PXDC1: variants seen among roughly 807,000 people sequenced by gnomAD.
PXDC1 encodes the protein PX domain containing 1.
In PXDC1, 13 loss-of-function variants were observed where a neutral mutation model predicts 24.4. The ratio of observed to expected loss-of-function variants is 0.53; its 90% CI spans 0.35 to 0.85. The LOEUF is 0.85. Among genes scored for constraint, PXDC1 ranks in the 40% least tolerant of loss-of-function variants. PXDC1 has a pLI of 0.01. For synonymous variants in PXDC1, 162 were observed against 124.9 expected (o/e 1.30, Z -1.98); for missense variants, 344 against 309.3 (o/e 1.11, Z -0.84).
At chr6:3,730,331 G>C (rs1760167624) in intron 3 of PXDC1, among the ~76,000 whole-genome samples, 1 of 152,230 alleles carries the variant, frequency 6.6e-6, no homozygotes, top group South Asian at 2.1e-4. Context: ...CACGGGTTCA[G>C]AAAGGGATGG....
intron 1 of PXDC1, among the ~76,000 whole-genome samples, chr6:3,739,637 C>G (rs11242870): frequency 0.3 from 45,493 of 152,150 alleles, 6,930 homozygotes; most frequent in Admixed American, 0.35. Context: ...GCTGGACGAC[C>G]CTCTGCCGTG....
chr6:3,743,180 C>T lies in PXDC1; in HGVS notation c.257-5032G>A, dbSNP rs535802469. The stretch of plus-strand genomic sequence containing the variant: ...CCATCTGACTCTAGCGGGAGGGCTT[C>T]CTGCTGCTGCAATTCTGAAACTAAA... On this transcript the variant is annotated intron_variant, in intron 1 of 4. Coordinates refer to ENST00000380283, the MANE Select transcript of PXDC1 (RefSeq NM_183373.4). 2.7e-5 allele frequency among the ~76,000 whole-genome samples: 4 copies of T among 150,840 alleles called. No individual in the cohort carries two copies. The East Asian group carries it at 7.8e-4, about 29-fold the overall frequency.
chr6:3,729,794 G>A (rs1376664690), intron 3 of PXDC1, among the ~76,000 whole-genome samples: 2 of 152,154 alleles, frequency 1.3e-5, no homozygotes, highest in African/African-American at 4.8e-5. Flanking sequence ...ACAGCCAGCT[G>A]ACAGCCCCAT....
rs759835660 is a variant in PXDC1, at chr6:3,751,575, C to T, written c.-44G>A. On this transcript the variant is annotated 5_prime_UTR_variant, in exon 1 of 5. Transcript: ENST00000380283. ...CCAAGGGCTCCCCAGCCCCGCCGCC[C>T]GCCCGCCCGCAGGAGGCGCGCCCCG... is the stretch of plus-strand genomic sequence containing the variant. 3 of 1,460,484 alleles carry T rather than the reference C, an allele frequency of 2.1e-6. No individual in the cohort carries two copies. Among genetic ancestry groups the T allele is most frequent in the East Asian group, 5.5e-5 (2 of 36,172 alleles). The allele number at this position is 1,460,484 out of a possible 1,614,324, so 90.5% of individuals were successfully genotyped here.
At chr6:3,750,561 G>A (rs1237272955) in intron 1 of PXDC1, among the ~76,000 whole-genome samples, 2 of 152,214 alleles carry the variant, frequency 1.3e-5, no homozygotes, top group South Asian at 4.1e-4. Flanking sequence ...AGATCGGGCA[G>A]AGCGGTAGGA....
chr6:3,735,348 C>T (rs545802249), intron 3 of PXDC1, among the ~76,000 whole-genome samples: 20 of 152,298 alleles, frequency 1.3e-4, no homozygotes, highest in Admixed American at 3.9e-4. Flanking sequence ...GAACACACAA[C>T]GGAAACCACC....
chr6:3,742,623 AG>A (rs1206111159), intron 1 of PXDC1, among the ~76,000 whole-genome samples: 2 of 152,070 alleles, frequency 1.3e-5, no homozygotes, highest in Non-Finnish European at 2.9e-5. Context: ...CGCACGCTTA[AG>A]GAAGTTAGCC....
chr6:3,732,419 A>G (rs975997086), intron 3 of PXDC1, among the ~76,000 whole-genome samples: 4 of 152,252 alleles, frequency 2.6e-5, no homozygotes, highest in Non-Finnish European at 5.9e-5. Context: ...CAGATTAATG[A>G]AAAATAAAAT....
chr6:3,751,222 T>G, intron 1 of PXDC1, 54 bp downstream of exon 1: 1 of 1,301,426 alleles, frequency 7.7e-7, no homozygotes. Context: ...GCCTCCTTCG[T>G]GCACTTCAAG....
At position 3,737,457 on chromosome 6, in the gene PXDC1, A is replaced by T. The variant is rs1760345654; in HGVS notation, c.349-261T>A. ...GAGGGAATCATGGCTCTGATGTGCC[A>T]GTTTCACTTGCGCCTCCCTCCCTCT... is the stretch of plus-strand genomic sequence containing the variant. On this transcript the variant is annotated intron_variant, in intron 2 of 4. Transcript: ENST00000380283. This position sits in a 1 kb window ranked among gnomAD's most constrained non-coding sequence, Gnocchi z 5.5. 6.6e-6 allele frequency among the ~76,000 whole-genome samples: 1 copy of T among 152,174 alleles called. No individual in the cohort carries two copies. The highest frequency in any genetic ancestry group is 6.5e-5 in the Admixed American group (1 of 15,284).
At chr6:3,730,535 A>G (rs371320808) in intron 3 of PXDC1, among the ~76,000 whole-genome samples, 16 of 152,306 alleles carry the variant, frequency 1.1e-4, no homozygotes, top group African/African-American at 3.6e-4. Flanking sequence ...AAAAGAAGAA[A>G]AAACATTTAG....
intron 1 of PXDC1, among the ~76,000 whole-genome samples, chr6:3,750,196 G>A (rs1279444075): frequency 1.3e-5 from 2 of 152,224 alleles, no homozygotes; most frequent in African/African-American, 4.8e-5. Context: ...GAAAGCACAG[G>A]TTATCTCAAG....
chr6:3,739,639 T>C (rs1019227361), intron 1 of PXDC1, among the ~76,000 whole-genome samples: 4 of 152,200 alleles, frequency 2.6e-5, no homozygotes, highest in African/African-American at 9.7e-5. Flanking sequence ...TGGACGACCC[T>C]CTGCCGTGTT....
chr6:3,733,168 TGGCTCAGTCCTC>T (rs1458048276), intron 3 of PXDC1, among the ~76,000 whole-genome samples: 2 of 152,170 alleles, frequency 1.3e-5, no homozygotes, highest in African/African-American at 4.8e-5. Flanking sequence ...TTGGGATGAC[TGGCTCAGTCCTC>T]GGGTTCATAT....
intron 1 of PXDC1, among the ~76,000 whole-genome samples, chr6:3,746,325 A>T (rs1191499247): frequency 6.6e-6 from 1 of 152,198 alleles, no homozygotes; most frequent in Non-Finnish European, 1.5e-5. Flanking sequence ...TGGGGGAAGC[A>T]GAGTGGGCGG....
At chr6:3,731,065 T>C (rs1401875549) in intron 3 of PXDC1, among the ~76,000 whole-genome samples, 1 of 152,260 alleles carries the variant, frequency 6.6e-6, no homozygotes, top group Non-Finnish European at 1.5e-5. Context: ...TCCTGAGTGA[T>C]CTATCATGAT....
intron 3 of PXDC1, among the ~76,000 whole-genome samples, chr6:3,729,444 G>C (rs896668842): frequency 2.0e-5 from 3 of 152,130 alleles, no homozygotes; most frequent in Non-Finnish European, 4.4e-5. Flanking sequence ...GTTTCCTGGG[G>C]ACATCAGTCC....
In PXDC1 at chr6:3,728,463, A is replaced by AT. The variant is rs547313432; in HGVS notation, c.467-802dup. On this transcript the variant is annotated intron_variant, in intron 3 of 4. Coordinates refer to ENST00000380283, the MANE Select transcript of PXDC1 (RefSeq NM_183373.4). The surrounding 1 kb of genome is among the most constrained non-coding windows in gnomAD (Gnocchi z 4.0). ...CTTTATGTAATTCTGTATGTAAATG[A>AT]TTTTTTTCCCAAATAAGCACAGATT... Among the ~76,000 whole-genome samples, 5 of 152,230 alleles carry AT rather than the reference A, an allele frequency of 3.3e-5. No homozygotes were observed. In the South Asian group the frequency reaches 1.0e-3, roughly 32 times the overall value.
Position 3,725,844 on chromosome 6 carries a change from C to G in PXDC1, c.578+1707G>C, listed in dbSNP as rs911635137. Among the ~76,000 whole-genome samples the G allele has an allele frequency of 3.3e-5, 5 of 152,220 alleles. No individual in the cohort carries two copies. Among genetic ancestry groups the G allele is most frequent in the African/African-American group, 1.2e-4 (5 of 41,450 alleles). On this transcript the variant is annotated intron_variant, in intron 4 of 4. Transcript: ENST00000380283. This position sits in a 1 kb window ranked among gnomAD's most constrained non-coding sequence, Gnocchi z 4.8. The stretch of plus-strand genomic sequence containing the variant: ...CAAGTCGGAACTCCCTCCAGATGCT[C>G]CCGAGCCCCATGGCGGCAGGCGTTT...
Sources: allele counts gnomAD v4.1 joint callset (sites outside exome capture counted in the v4.1 genomes callset), GRCh38; gene constraint gnomAD v4.1.1; non-coding constraint Gnocchi (gnomAD v3.1); transcripts MANE v1.5; gene names NCBI Gene and HGNC (gene_info 2026-07-23, HGNC 2026-07-21).